The following DAB1 variants were observed in gnomAD, a reference collection of about 807,000 sequenced individuals.
DAB1 encodes the protein disabled homolog 1.
Under a neutral mutation model 64.6 loss-of-function variants are expected in DAB1, and 15 were observed. That is an observed-to-expected ratio of 0.23 (90% CI 0.16 to 0.36). The LOEUF (loss-of-function observed/expected upper bound fraction) is 0.36, where lower values mean the gene tolerates loss of function less well. Ranked by LOEUF, DAB1 falls within the 10% of genes least tolerant of loss-of-function variation. The pLI, the probability that DAB1 is intolerant of heterozygous loss-of-function variation, is 1.00. For missense variants in DAB1, 596 were observed against 706.7 expected, an observed-to-expected ratio of 0.84 and a Z score of 1.78; for synonymous variants, 235 against 251.9, an observed-to-expected ratio of 0.93 and a Z score of 0.64.
chr1:57,569,061 A>T (rs2101528232), intron 7 of DAB1, among the ~76,000 whole-genome samples: 1 of 151,284 alleles, frequency 6.6e-6, no homozygotes, highest in Admixed American at 6.6e-5. Context: ...GATCGAGACC[A>T]TCCTGGCTAA....
intron 1 of DAB1, among the ~76,000 whole-genome samples, chr1:57,322,249 G>T (rs1426999793): frequency 6.6e-6 from 1 of 152,178 alleles, no homozygotes; most frequent in East Asian, 1.9e-4. Flanking sequence ...GTACCCAGAG[G>T]AGATGCAGAT....
rs1570509649 is a variant in DAB1, at chr1:58,226,049, G to GCTCAT, written n.310-75466_310-75462dup. Among the ~76,000 whole-genome samples, 5 of 151,280 alleles carry GCTCAT rather than the reference G, an allele frequency of 3.3e-5. No homozygotes were observed. The East Asian group carries it at 9.7e-4, about 29-fold the overall frequency. On this transcript the variant is annotated intron_variant and non_coding_transcript_variant, in intron 4 of 20. Transcript: ENST00000485760. Reference sequence around the variant, plus strand: ...GCTTGAGCCAGGATTTGGCCTAACTGCTCATCTCCAGCTCTTAATTGTGTT... The same window carrying GCTCAT: ...GCTTGAGCCAGGATTTGGCCTAACTGCTCATCTCATCTCCAGCTCTTAATTGTGTT...
intron 4 of DAB1, among the ~76,000 whole-genome samples, chr1:58,251,306 A>G (rs1044567939): frequency 2.0e-5 from 3 of 152,194 alleles, no homozygotes; most frequent in African/African-American, 7.2e-5. Context: ...AGAACATTCA[A>G]AAGAACACAG....
At chr1:58,474,187 G>A (rs1040510873) in intron 3 of DAB1, among the ~76,000 whole-genome samples, 2 of 152,122 alleles carry the variant, frequency 1.3e-5, no homozygotes, top group Non-Finnish European at 2.9e-5. Flanking sequence ...AGCACAATGG[G>A]ATAGGTGCAG....
intron 1 of DAB1, among the ~76,000 whole-genome samples, chr1:57,850,520 G>A (rs1051519374): frequency 1.3e-5 from 2 of 150,418 alleles, no homozygotes; most frequent in African/African-American, 2.4e-5. Context: ...TACATAATTA[G>A]TGCCTAAGAA....
intron 6 of DAB1, among the ~76,000 whole-genome samples, chr1:57,676,094 C>T (rs1646563378): frequency 6.6e-6 from 1 of 152,070 alleles, no homozygotes; most frequent in Non-Finnish European, 1.5e-5. Context: ...AAGTGGAGCT[C>T]ATTATATGGG....
At chr1:57,472,499 C>A (rs143197964) in intron 7 of DAB1, among the ~76,000 whole-genome samples, 1 of 152,210 alleles carries the variant, frequency 6.6e-6, no homozygotes, top group African/African-American at 2.4e-5. Context: ...TAAAGATCAA[C>A]CCCTGATCTA....
At position 57,069,460 on chromosome 1, in the gene DAB1, G is replaced by A. The variant is rs780080811; in HGVS notation, c.598-35C>T. 7.0e-6 allele frequency: 11 copies of A among 1,566,220 alleles called. No individual in the cohort carries two copies. In the Admixed American group the frequency reaches 1.4e-4, roughly 19 times the overall value. ...GAGCAGCCAGAAAGGAAAGGTCAGA[G>A]GTGAAAAAGAAGAAAGGTAAAACAA... On this transcript the variant is annotated intron_variant, in intron 7 of 14. Transcript: ENST00000371236.
intron 7 of DAB1, among the ~76,000 whole-genome samples, chr1:57,432,081 C>T (rs1685537868): frequency 6.7e-6 from 1 of 149,338 alleles, no homozygotes; most frequent in Non-Finnish European, 1.5e-5. Flanking sequence ...GAGATTACAC[C>T]ACCGCACTCC....
chr1:57,641,404 G>A (rs1646128398), intron 7 of DAB1, among the ~76,000 whole-genome samples: 1 of 37,598 alleles, frequency 2.7e-5, no homozygotes, highest in Non-Finnish European at 5.2e-5. Flanking sequence ...TTTTTTTTGA[G>A]ACGGAGTCTC....
At chr1:57,387,361 AAGAC>A (rs1361543319) in intron 1 of DAB1, 2 of 152,218 alleles carry the variant, frequency 1.3e-5, no homozygotes, top group Non-Finnish European at 2.9e-5. Flanking sequence ...TATCTTCTCT[AAGAC>A]AGGCAAAGGA....
chr1:57,783,660 AT>A (rs1486411459), intron 6 of DAB1, among the ~76,000 whole-genome samples: 1 of 152,060 alleles, frequency 6.6e-6, no homozygotes, highest in Non-Finnish European at 1.5e-5. Context: ...TATCAGTGCC[AT>A]TTTTTCAACA....
intron 3 of DAB1, among the ~76,000 whole-genome samples, chr1:58,466,382 C>T (rs561006343): frequency 2.6e-5 from 4 of 152,176 alleles, no homozygotes; most frequent in African/African-American, 9.6e-5. Flanking sequence ...CAGGCATTTC[C>T]CCTAACAGAT....
intron 3 of DAB1, among the ~76,000 whole-genome samples, chr1:58,375,498 T>C (rs907352527): frequency 1.9e-4 from 28 of 144,096 alleles, no homozygotes; most frequent in African/African-American, 7.2e-4. Context: ...GATTTGCGTA[T>C]ATTGAACCAG....
intron 3 of DAB1, among the ~76,000 whole-genome samples, chr1:58,352,811 T>A (rs919818768): frequency 6.6e-6 from 1 of 152,124 alleles, no homozygotes; most frequent in Non-Finnish European, 1.5e-5. Flanking sequence ...ATGGGATCAG[T>A]GCTCTTATAA....
intron 7 of DAB1, among the ~76,000 whole-genome samples, chr1:57,522,929 G>A (rs778803821): frequency 4.6e-5 from 7 of 152,300 alleles, no homozygotes; most frequent in East Asian, 1.9e-4. Flanking sequence ...GCTTTTGAAC[G>A]CTTGGACTTA....
chr1:57,824,335 C>T (rs755929951), downstream of DAB1, among the ~76,000 whole-genome samples: 1 of 152,156 alleles, frequency 6.6e-6, no homozygotes, highest in Non-Finnish European at 1.5e-5. Context: ...TGTAGGGTAA[C>T]AGCCAGAGAC....
chr1:57,252,752 G>A (rs896376154), intron 2 of DAB1, among the ~76,000 whole-genome samples: 9 of 152,210 alleles, frequency 5.9e-5, no homozygotes, highest in African/African-American at 2.2e-4. Context: ...ATTCAGAGCT[G>A]AGAGAGAACA....
chr1:58,106,362 T>C (rs760675431), intron 5 of DAB1, among the ~76,000 whole-genome samples: 1 of 152,040 alleles, frequency 6.6e-6, no homozygotes, highest in Non-Finnish European at 1.5e-5. Flanking sequence ...AAAAAAGTTT[T>C]TGGTAGAGAC....
Sources: allele counts gnomAD v4.1 joint callset (sites outside exome capture counted in the v4.1 genomes callset), GRCh38; gene constraint gnomAD v4.1.1; transcripts MANE v1.5; gene names NCBI Gene and HGNC (gene_info 2026-07-23, HGNC 2026-07-21).